Variants in ZNF503 observed in about 807,000 individuals in gnomAD.
ZNF503 encodes the protein zinc finger protein 503, also known as NocA-like zinc finger 2.
In ZNF503, 15 loss-of-function variants were observed where a neutral mutation model predicts 34.4. The ratio of observed to expected loss-of-function variants is 0.44; its 90% CI spans 0.29 to 0.67. ZNF503 has a LOEUF of 0.67. Ranked by LOEUF, ZNF503 falls within the 30% of genes least tolerant of loss-of-function variation. The pLI, the probability that ZNF503 is intolerant of heterozygous loss-of-function variation, is 0.13. For missense variants in ZNF503, 1,007 were observed against 926.8 expected (o/e 1.09, Z -1.12); for synonymous variants, 580 against 456.8 (o/e 1.27, Z -3.44).
the ZNF503 span, among the ~76,000 whole-genome samples, chr10:75,387,517 C>T: frequency 6.6e-6 from 1 of 152,224 alleles, no homozygotes; most frequent in African/African-American, 2.4e-5. Context: ...ATAAAGTGCT[C>T]ACTAAATGGT....
At chr10:75,336,561 C>T in the ZNF503 span, among the ~76,000 whole-genome samples, 1 of 152,180 alleles carries the variant, frequency 6.6e-6, no homozygotes, top group African/African-American at 2.4e-5. Context: ...TTCTGCATAA[C>T]AGATGACCAC....
the ZNF503 span, among the ~76,000 whole-genome samples, chr10:75,340,405 C>T: frequency 6.6e-6 from 1 of 152,300 alleles, no homozygotes; most frequent in African/African-American, 2.4e-5. Context: ...AATTCCACTT[C>T]TAGGAATGTG....
chr10:75,390,781 G>C, the ZNF503 span, among the ~76,000 whole-genome samples: 1 of 152,160 alleles, frequency 6.6e-6, no homozygotes, highest in Non-Finnish European at 1.5e-5. Context: ...AGCCCTTTGT[G>C]TTAGTCAACT....
chr10:75,370,778 C>CAAAAAAAAAAAAAAAAAAAA, the ZNF503 span, among the ~76,000 whole-genome samples: 2 of 67,972 alleles, frequency 2.9e-5, no homozygotes, highest in East Asian at 5.1e-4. Context: ...GGCTCCATCT[C>CAAAAAAAAAAAAAAAAAAAA]AAAAAAAAAA....
At chr10:75,340,088 C>T in the ZNF503 span, among the ~76,000 whole-genome samples, 1 of 148,528 alleles carries the variant, frequency 6.7e-6, no homozygotes, top group Non-Finnish European at 1.5e-5. Flanking sequence ...GTGGTGTGCG[C>T]CTGTAGTCGC....
the ZNF503 span, among the ~76,000 whole-genome samples, chr10:75,370,778 C>CAAAAAAAAAAAAAAA: frequency 2.1e-4 from 14 of 67,974 alleles, no homozygotes; most frequent in African/African-American, 3.5e-4. Context: ...GGCTCCATCT[C>CAAAAAAAAAAAAAAA]AAAAAAAAAA....
the ZNF503 span, among the ~76,000 whole-genome samples, chr10:75,365,339 G>T: frequency 8.5e-5 from 13 of 152,178 alleles, no homozygotes; most frequent in East Asian, 2.3e-3. Flanking sequence ...GTAGAGACGG[G>T]GTTTCACTAT....
At chr10:75,297,144 C>T in the ZNF503 span, among the ~76,000 whole-genome samples, 24 of 152,202 alleles carry the variant, frequency 1.6e-4, no homozygotes, top group African/African-American at 3.9e-4. Flanking sequence ...TCTGTCTATC[C>T]TACTCTCCTG....
the ZNF503 span, among the ~76,000 whole-genome samples, chr10:75,312,659 C>T: frequency 1.3e-5 from 2 of 151,590 alleles, no homozygotes; most frequent in East Asian, 1.9e-4. Context: ...AGGGTAAACC[C>T]AAAGAAATCC....
the ZNF503 span, among the ~76,000 whole-genome samples, chr10:75,291,936 A>T: frequency 5.5e-3 from 841 of 152,334 alleles, 5 homozygotes; most frequent in African/African-American, 0.019. Flanking sequence ...AGAGGCTGTG[A>T]GGACTGCCAG....
At chr10:75,343,725 T>G in the ZNF503 span, among the ~76,000 whole-genome samples, 2 of 152,204 alleles carry the variant, frequency 1.3e-5, no homozygotes, top group African/African-American at 4.8e-5. Flanking sequence ...AGCTGCAGAT[T>G]CTTTAGGGCA....
the ZNF503 span, among the ~76,000 whole-genome samples, chr10:75,336,698 G>A: frequency 6.6e-6 from 1 of 152,142 alleles, no homozygotes; most frequent in Non-Finnish European, 1.5e-5. Flanking sequence ...TGGCCAGGCT[G>A]GGATCTTCTT....
At chr10:75,340,044 A>C in the ZNF503 span, among the ~76,000 whole-genome samples, 1 of 151,166 alleles carries the variant, frequency 6.6e-6, no homozygotes, top group African/African-American at 2.4e-5. Context: ...GCAAAACCCT[A>C]TCTCTACAAA....
the ZNF503 span, among the ~76,000 whole-genome samples, chr10:75,294,694 CG>C: frequency 2.0e-4 from 17 of 83,450 alleles, no homozygotes; most frequent in African/African-American, 6.9e-4. Context: ...GGACACTGAG[CG>C]GAGCGGGGAA....
chr10:75,389,132 T>C, the ZNF503 span, among the ~76,000 whole-genome samples: 1 of 152,178 alleles, frequency 6.6e-6, no homozygotes, highest in Non-Finnish European at 1.5e-5. Context: ...GAGATGTTTG[T>C]AAAGTGTATG....
the ZNF503 span, among the ~76,000 whole-genome samples, chr10:75,330,134 C>G: frequency 6.6e-6 from 1 of 152,182 alleles, no homozygotes; most frequent in South Asian, 2.1e-4. Context: ...GTCCTTCATT[C>G]TGTTGATGTG....
At chr10:75,400,417 G>A in intron 1 of ZNF503, 43 bp from the exon 2 acceptor site, 1 of 1,560,954 alleles carries the variant, frequency 6.4e-7, no homozygotes, top group South Asian at 1.2e-5. Context: ...CACAGAGAAA[G>A]AAGTGGAAAC....
chr10:75,345,794 C>T, the ZNF503 span, among the ~76,000 whole-genome samples: 1 of 152,104 alleles, frequency 6.6e-6, no homozygotes, highest in Non-Finnish European at 1.5e-5. Context: ...CAGCATGTAG[C>T]AGAGTAGAGA....
In ZNF503 at chr10:75,400,298, G is replaced by A; in HGVS notation, c.392C>T (p.Ser131Phe). 1.2e-6 allele frequency: 2 copies of A among 1,613,290 alleles called. No individual in the cohort carries two copies. Among genetic ancestry groups the A allele is most frequent in the Non-Finnish European group, 1.7e-6 (2 of 1,179,718 alleles). ...GGAGGCAACCGAGGAGAGTTTGGAG[G>A]AGGGCGAGGGGTCGGGCTTCCCGAT... ...SQIGKPDPSP[S>F]SKLSSVASNG... The change falls in exon 2 of 2, where the codon TCC becomes TTC. Residue 131 changes from serine (S) to phenylalanine (F), a missense_variant. Coordinates refer to ENST00000372524, the MANE Select transcript of ZNF503 (RefSeq NM_032772.6).
Sources: allele counts gnomAD v4.1 joint callset (sites outside exome capture counted in the v4.1 genomes callset), GRCh38; gene constraint gnomAD v4.1.1; transcripts MANE v1.5; gene names NCBI Gene and HGNC (gene_info 2026-07-23, HGNC 2026-07-21).